The following SIPA1L3 variants were observed in gnomAD, a reference collection of about 807,000 sequenced individuals.
SIPA1L3 encodes signal-induced proliferation-associated 1-like protein 3.
SIPA1L3 carries 59 observed loss-of-function variants against 150.1 expected under a neutral mutation model. The observed-to-expected ratio is 0.39, with a 90% CI of 0.32 to 0.49. The LOEUF is 0.49. Among genes scored for constraint, SIPA1L3 ranks in the 20% least tolerant of loss-of-function variants. SIPA1L3 has a pLI of 0.86. For synonymous variants in SIPA1L3, 1,070 were observed against 1,077.6 expected (o/e 0.99, Z 0.14); for missense variants, 2,211 against 2,489.5 (o/e 0.89, Z 2.38).
chr19:38,011,663 G>A (rs1268140560), intron 1 of SIPA1L3, among the ~76,000 whole-genome samples: 1 of 152,212 alleles, frequency 6.6e-6, no homozygotes, highest in East Asian at 1.9e-4. Flanking sequence ...AGCCAGTGTG[G>A]CGGGAGCATT....
chr19:38,068,376 G>C (rs1969644769), intron 2 of SIPA1L3, among the ~76,000 whole-genome samples: 1 of 152,150 alleles, frequency 6.6e-6, no homozygotes, highest in Non-Finnish European at 1.5e-5. Flanking sequence ...TTGCTGACTT[G>C]CTGGAATTTT....
intron 15 of SIPA1L3, among the ~76,000 whole-genome samples, chr19:38,174,692 A>C (rs1972401181): frequency 6.6e-6 from 1 of 152,094 alleles, no homozygotes; most frequent in Non-Finnish European, 1.5e-5. Context: ...TCTACTAAAA[A>C]TACAAAAATT....
intron 1 of SIPA1L3, among the ~76,000 whole-genome samples, chr19:37,974,837 C>T (rs908989013): frequency 2.6e-5 from 4 of 152,114 alleles, no homozygotes; most frequent in African/African-American, 9.7e-5. Context: ...TTATTCTAGG[C>T]CAGCCCTTCT....
At chr19:37,991,072 A>G (rs907491916) in intron 1 of SIPA1L3, among the ~76,000 whole-genome samples, 33 of 152,078 alleles carry the variant, frequency 2.2e-4, no homozygotes, top group Non-Finnish European at 2.9e-5. Context: ...GCCTCTACTA[A>G]AAATACAAAA....
At chr19:37,990,712 G>A (rs1287414786) in intron 1 of SIPA1L3, among the ~76,000 whole-genome samples, 1 of 152,184 alleles carries the variant, frequency 6.6e-6, no homozygotes, top group Non-Finnish European at 1.5e-5. Flanking sequence ...GTGCTTACAC[G>A]CTCTCAGAGG....
chr19:38,139,145 G>A lies in SIPA1L3; in HGVS notation c.3144-2039G>A, dbSNP rs193144568. The stretch of plus-strand genomic sequence containing the variant: ...TGGGAGGTGGAGGTTGCAGTGAGCC[G>A]AGATCTCACCATTGCACTCCAGCCT... On this transcript the variant is annotated intron_variant, in intron 10 of 21. Coordinates refer to ENST00000222345, the MANE Select transcript of SIPA1L3 (RefSeq NM_015073.3). Among the ~76,000 whole-genome samples the A allele has an allele frequency of 2.7e-3, 403 of 151,666 alleles. 3 individuals carry two copies. Among genetic ancestry groups the A allele is most frequent in the African/African-American group, 9.1e-3 (375 of 41,324 alleles).
chr19:38,144,072 C>T (rs1971653559), intron 12 of SIPA1L3, among the ~76,000 whole-genome samples: 1 of 152,172 alleles, frequency 6.6e-6, no homozygotes, highest in South Asian at 2.1e-4. Flanking sequence ...CACTCCTCGC[C>T]CACACTCCCC....
intron 1 of SIPA1L3, among the ~76,000 whole-genome samples, chr19:38,028,692 CTTTT>C (rs568012391): frequency 1.5e-5 from 2 of 135,994 alleles, no homozygotes; most frequent in Non-Finnish European, 3.2e-5. Context: ...TCAGTAAATA[CTTTT>C]TTTTTTTTTT....
intron 1 of SIPA1L3, among the ~76,000 whole-genome samples, chr19:37,914,189 G>A (rs1428520727): frequency 7.9e-5 from 12 of 152,170 alleles, no homozygotes; most frequent in Admixed American, 6.6e-5. Context: ...GCCTCTTTGA[G>A]GAGTCATGTG....
In SIPA1L3 at chr19:38,207,806, G is replaced by A. The variant is rs1973255340; in HGVS notation, c.*1566G>A. On this transcript the variant is annotated 3_prime_UTR_variant, in exon 22 of 22. Transcript: ENST00000222345. ...TGGATGGGTGGGGGTGAGAGAAGAGGGTTCTTATCGCGTCTCCTGTGATCA... is the reference window on the plus strand; with the variant it reads ...TGGATGGGTGGGGGTGAGAGAAGAGAGTTCTTATCGCGTCTCCTGTGATCA... 1 of 152,458 alleles carries A rather than the reference G, an allele frequency of 6.6e-6. No individual in the cohort carries two copies. Among genetic ancestry groups the A allele is most frequent in the Admixed American group, 6.5e-5 (1 of 15,278 alleles). The allele number at this position is 152,458 out of a possible 1,614,324, so 9.4% of individuals were successfully genotyped here. A position where few individuals can be genotyped will look rare whatever the true frequency, so the allele number is the denominator to read the frequency against.
chr19:38,162,499 G>T, intron 14 of SIPA1L3, 128 bp downstream of exon 14: 1 of 711,662 alleles, frequency 1.4e-6, no homozygotes, highest in Non-Finnish European at 2.5e-6. Flanking sequence ...TGAATACTTG[G>T]TCTGAGTTGG....
At chr19:38,001,263 C>T (rs112395453) in intron 1 of SIPA1L3, among the ~76,000 whole-genome samples, 1,589 of 151,920 alleles carry the variant, frequency 0.01, 30 homozygotes, top group African/African-American at 0.033. Flanking sequence ...AAATTTCTAC[C>T]TAGAAAGTTC....
At chr19:38,051,282 T>C (rs1410571880) in intron 2 of SIPA1L3, among the ~76,000 whole-genome samples, 1 of 152,186 alleles carries the variant, frequency 6.6e-6, no homozygotes, top group East Asian at 1.9e-4. Flanking sequence ...ATGTACCCTC[T>C]TTCTTTTTAA....
rs764663417 is a variant in SIPA1L3 at position 38,081,362 on chromosome 19, G to A, written c.-204G>A. 462 of 562,168 alleles carry A rather than the reference G, an allele frequency of 8.2e-4. No individual in the cohort carries two copies. The highest frequency in any genetic ancestry group is 1.2e-3 in the Non-Finnish European group (371 of 320,594). 34.8% of individuals were successfully genotyped at this position (562,168 alleles called of 1,614,324 possible). On this transcript the variant is annotated 5_prime_UTR_variant, in exon 3 of 22. Coordinates refer to ENST00000222345, the MANE Select transcript of SIPA1L3 (RefSeq NM_015073.3). Reference sequence around the variant, plus strand: ...GTCTGGAGCCCCCAGGACAGCACCTGCTTCCTGAGGTTGTCCTGGCTCAGC... The same window carrying A: ...GTCTGGAGCCCCCAGGACAGCACCTACTTCCTGAGGTTGTCCTGGCTCAGC...
chr19:37,925,538 T>C (rs2046495725), intron 1 of SIPA1L3, among the ~76,000 whole-genome samples: 1 of 151,966 alleles, frequency 6.6e-6, no homozygotes, highest in Non-Finnish European at 1.5e-5. Flanking sequence ...CACAGGTTTG[T>C]CTTTTCTCTG....
intron 19 of SIPA1L3, among the ~76,000 whole-genome samples, chr19:38,201,641 C>T (rs574006848): frequency 3.5e-4 from 53 of 152,300 alleles, no homozygotes; most frequent in African/African-American, 1.1e-3. Context: ...GTCGTTGGAT[C>T]GAAAGCCTCG....
chr19:38,130,784 C>T lies in SIPA1L3; in HGVS notation c.3143+12C>T, dbSNP rs754207345. On this transcript the variant is annotated intron_variant, in intron 10 of 21. Transcript: ENST00000222345. ...GGCACTCCCCGGAGGTAAGGGCCTC[C>T]ACCTTTCAGCCAGGTGGTGGGTGGC... The T allele has an allele frequency of 4.4e-6, 7 of 1,583,470 alleles. No homozygotes were observed. The highest frequency in any genetic ancestry group is 5.2e-6 in the Non-Finnish European group (6 of 1,159,780).
intron 2 of SIPA1L3, among the ~76,000 whole-genome samples, chr19:38,051,734 C>A (rs1969201346): frequency 6.6e-6 from 1 of 152,040 alleles, no homozygotes; most frequent in African/African-American, 2.4e-5. Flanking sequence ...GTAGCTGGGA[C>A]CACAGGCACA....
chr19:38,014,826 C>T (rs562444270), intron 1 of SIPA1L3, among the ~76,000 whole-genome samples: 57 of 152,092 alleles, frequency 3.7e-4, no homozygotes, highest in African/African-American at 1.2e-3. Context: ...CCTGCCACCA[C>T]GCCTGGCTAA....
Sources: gnomAD v4.1 joint callset for allele counts (sites outside exome capture counted in the v4.1 genomes callset) on GRCh38, gnomAD v4.1.1 for gene constraint, MANE v1.5 for transcripts, NCBI Gene and HGNC (gene_info 2026-07-23, HGNC 2026-07-21) for gene names.